PADI2: variants seen among roughly 807,000 people sequenced by gnomAD.
PADI2 encodes the protein protein-arginine deiminase type-2.
PADI2 carries 70 observed loss-of-function variants against 81.1 expected under a neutral mutation model. That is an observed-to-expected ratio of 0.86 (90% confidence interval 0.71 to 1.05). The LOEUF (loss-of-function observed/expected upper bound fraction) is 1.05. Among genes scored for constraint, PADI2 ranks in the 50% least tolerant of loss-of-function variants. The probability of loss-of-function intolerance (pLI) is 0.00; values close to 1 mark genes in which losing one functional copy is unlikely to be tolerated. For synonymous variants in PADI2, 338 were observed against 358.0 expected (o/e 0.94, Z 0.63); for missense variants, 853 against 889.9 (o/e 0.96, Z 0.53).
chr1:17,072,557 C>T (rs1209125104), intron 13 of PADI2, among the ~76,000 whole-genome samples: 1 of 152,166 alleles, frequency 6.6e-6, no homozygotes, highest in Non-Finnish European at 1.5e-5. Context: ...GTTCACCTTC[C>T]TCCCCAGGTC....
At chr1:17,101,534 C>T (rs774723829) in intron 3 of PADI2, among the ~76,000 whole-genome samples, 6 of 152,122 alleles carry the variant, frequency 3.9e-5, no homozygotes, top group African/African-American at 1.2e-4. Context: ...TCATCTGCCA[C>T]CCTCACCAAG....
intron 1 of PADI2, among the ~76,000 whole-genome samples, chr1:17,105,686 G>A (rs1354178172): frequency 6.6e-6 from 1 of 152,052 alleles, no homozygotes; most frequent in African/African-American, 2.4e-5. Context: ...GAGCCACCAC[G>A]CCCGGCTCTT....
intron 3 of PADI2, among the ~76,000 whole-genome samples, chr1:17,100,967 G>A (rs950624538): frequency 6.6e-6 from 1 of 151,364 alleles, no homozygotes; most frequent in Non-Finnish European, 1.5e-5. Context: ...GCCACAAATT[G>A]TTTTATTGAT....
intron 9 of PADI2, chr1:17,083,008 T>G: frequency 5.4e-6 from 1 of 185,222 alleles, no homozygotes; most frequent in Non-Finnish European, 1.1e-5. Context: ...TAGCTACGAC[T>G]ACAGGTGTGC....
chr1:17,113,883 C>A (rs1043927496), intron 1 of PADI2, among the ~76,000 whole-genome samples: 13 of 152,162 alleles, frequency 8.5e-5, no homozygotes, highest in Non-Finnish European at 1.6e-4. Flanking sequence ...CTGGGGTGAG[C>A]CCCTGCCACT....
chr1:17,088,902 A>G (rs1420740901), intron 6 of PADI2, among the ~76,000 whole-genome samples: 1 of 136,328 alleles, frequency 7.3e-6, no homozygotes. Flanking sequence ...GCGAGACTCC[A>G]TCTCAAAAAA....
intron 13 of PADI2, among the ~76,000 whole-genome samples, chr1:17,072,006 A>G (rs1454118877): frequency 4.0e-5 from 6 of 150,262 alleles, no homozygotes. Flanking sequence ...ATGAGCACCT[A>G]CTATGTGGCC....
chr1:17,079,438 C>A (rs200044687), intron 10 of PADI2, 23 bp from the exon 11 acceptor site: 1 of 1,601,406 alleles, frequency 6.2e-7, no homozygotes. Context: ...CACACACCTG[C>A]GTTAGTCTTC....
At position 17,082,653 on chromosome 1, in the gene PADI2, C is replaced by A; in HGVS notation, c.1051-1G>T. 1 of 1,582,854 alleles carries A rather than the reference C, an allele frequency of 6.3e-7. No homozygotes were observed. The highest frequency in any genetic ancestry group is 8.6e-7 in the Non-Finnish European group (1 of 1,159,312). On this transcript the variant is annotated splice_acceptor_variant, in intron 9 of 15. Coordinates refer to ENST00000375486, the MANE Select transcript of PADI2 (RefSeq NM_007365.3). LOFTEE classifies it high-confidence loss of function. Reference sequence around the variant, plus strand: ...CGATGTAGCCAAACTCAATTTCATCCTGCAGGGACACCAAGGAGAACTGTT... The same window carrying A: ...CGATGTAGCCAAACTCAATTTCATCATGCAGGGACACCAAGGAGAACTGTT...
chr1:17,069,370 C>T, intron 15 of PADI2, 93 bp from the exon 16 acceptor site: 1 of 911,648 alleles, frequency 1.1e-6, no homozygotes, highest in Non-Finnish European at 1.7e-6. Context: ...CTCACGGCAA[C>T]CCTGTGAAGT....
Position 17,071,422 on chromosome 1 carries a change from T to C in PADI2, c.1619A>G (p.Glu540Gly). Reference protein sequence around the residue: ...KILSNESLVQENLYFQRCLDW... With the variant: ...KILSNESLVQGNLYFQRCLDW... Reference sequence around the variant, plus strand: ...TGCCCTCACCTGGAAGTACAGGTTCTCCTGCACAAGGCTCTCGTTGGACAG... The same window carrying C: ...TGCCCTCACCTGGAAGTACAGGTTCCCCTGCACAAGGCTCTCGTTGGACAG... The change falls in exon 14 of 16, where the codon GAG becomes GGG. Residue 540 changes from glutamate (E) to glycine (G), a missense_variant. By Grantham distance (98) the Glu-to-Gly change is moderately conservative. Coordinates refer to ENST00000375486, the MANE Select transcript of PADI2 (RefSeq NM_007365.3). 6.2e-7 allele frequency: 1 copy of C among 1,613,294 alleles called. No individual in the cohort carries two copies. Among genetic ancestry groups the C allele is most frequent in the Non-Finnish European group, 8.5e-7 (1 of 1,179,188 alleles).
intron 1 of PADI2, among the ~76,000 whole-genome samples, chr1:17,117,011 G>C (rs1410018506): frequency 6.6e-6 from 1 of 152,142 alleles, no homozygotes; most frequent in African/African-American, 2.4e-5. Flanking sequence ...AACATTTTTG[G>C]TTGTCACAAT....
intron 14 of PADI2, 63 bp downstream of exon 14, chr1:17,071,343 T>C: frequency 8.0e-7 from 1 of 1,245,616 alleles, no homozygotes; most frequent in Non-Finnish European, 1.2e-6. Context: ...CCCAAGGATG[T>C]AAGGGCCTGA....
chr1:17,088,919 A>AC (rs1297700250), intron 6 of PADI2, among the ~76,000 whole-genome samples: 24 of 99,094 alleles, frequency 2.4e-4, no homozygotes, highest in Middle Eastern at 4.6e-3. Flanking sequence ...AAAAAAAAAA[A>AC]AAAAAAAAAA....
In PADI2 at chr1:17,113,251, CTAT is replaced by C. The variant is rs67222510; in HGVS notation, c.92+6026_92+6028del. Among the ~76,000 whole-genome samples the C allele has an allele frequency of 1.2e-3, 175 of 148,446 alleles. 1 individual carries two copies. The highest frequency in any genetic ancestry group is 7.2e-3 in the Middle Eastern group (2 of 278). ...TACATAACAACTTACTGAGTATTTA[CTAT>C]TATTATTATTATTATTATTATTATT... On this transcript the variant is annotated intron_variant, in intron 1 of 15. Coordinates refer to ENST00000375486, the MANE Select transcript of PADI2 (RefSeq NM_007365.3).
At chr1:17,101,970 G>A (rs549854029) in intron 3 of PADI2, among the ~76,000 whole-genome samples, 5 of 152,138 alleles carry the variant, frequency 3.3e-5, no homozygotes, top group Non-Finnish European at 7.4e-5. Flanking sequence ...CACACCATAG[G>A]TGCTCAATTA....
At chr1:17,101,535 C>A (rs1931142318) in intron 3 of PADI2, among the ~76,000 whole-genome samples, 1 of 152,120 alleles carries the variant, frequency 6.6e-6, no homozygotes, top group African/African-American at 2.4e-5. Context: ...CATCTGCCAC[C>A]CTCACCAAGG....
chr1:17,093,478 A>T, intron 5 of PADI2, 89 bp downstream of exon 5: 1 of 840,944 alleles, frequency 1.2e-6, no homozygotes, highest in Non-Finnish European at 2.0e-6. Context: ...CTGAGTCCAC[A>T]CCTGCCTCAC....
chr1:17,086,847 T>C (rs1311667478), intron 6 of PADI2, 148 bp from the exon 7 acceptor site: 10 of 649,548 alleles, frequency 1.5e-5, no homozygotes, highest in Non-Finnish European at 2.7e-5. Flanking sequence ...AGAATGGCCA[T>C]GGCTAGGTCA....
Sources: gnomAD v4.1 joint callset for allele counts (sites outside exome capture counted in the v4.1 genomes callset) on GRCh38, gnomAD v4.1.1 for gene constraint, MANE v1.5 for transcripts, NCBI Gene and HGNC (gene_info 2026-07-23, HGNC 2026-07-21) for gene names.